The following MTPN variants were observed in gnomAD, a reference collection of about 807,000 sequenced individuals.
MTPN encodes granule cell differentiation protein.
In MTPN, 2 loss-of-function variants were observed where a neutral mutation model predicts 13.5. The observed-to-expected ratio is 0.15, with a 90% confidence interval of 0.06 to 0.47. The LOEUF (loss-of-function observed/expected upper bound fraction) is 0.47. MTPN is among the 20% of genes least tolerant of loss of function. MTPN has a pLI of 0.97. For missense variants in MTPN, 79 were observed against 137.9 expected, an observed-to-expected ratio of 0.57 and a Z score of 2.14; for synonymous variants, 46 against 51.7, an observed-to-expected ratio of 0.89 and a Z score of 0.48.
intron 3 of MTPN, among the ~76,000 whole-genome samples, chr7:135,948,678 A>C (rs1176270935): frequency 6.6e-6 from 1 of 152,220 alleles, no homozygotes; most frequent in Non-Finnish European, 1.5e-5. Context: ...TTTGGGAATA[A>C]GGAGTACAGA....
In MTPN at chr7:135,946,073, C is replaced by T. The variant is rs148339021; in HGVS notation, c.270+4526G>A. On this transcript the variant is annotated intron_variant, in intron 3 of 3. Transcript: ENST00000393085. ...ACAAAGTATCTTAGTAATGTACTCA[C>T]CATGACCATGGGTAACTGCAGAAAA... Among the ~76,000 whole-genome samples, 4 of 152,270 alleles carry T rather than the reference C, an allele frequency of 2.6e-5. No homozygotes were observed. In the East Asian group the frequency reaches 7.7e-4, roughly 29 times the overall value.
At chr7:135,959,074 C>T (rs1799485959) in intron 1 of MTPN, among the ~76,000 whole-genome samples, 1 of 152,082 alleles carries the variant, frequency 6.6e-6, no homozygotes, top group Non-Finnish European at 1.5e-5. Context: ...ACCATTGTTA[C>T]CACTCTGCTA....
intron 1 of MTPN, among the ~76,000 whole-genome samples, chr7:135,976,247 A>C (rs1799770825): frequency 6.6e-6 from 1 of 152,226 alleles, no homozygotes; most frequent in Admixed American, 6.5e-5. Flanking sequence ...GTCTTTCTTC[A>C]TCATGATTTT....
intron 1 of MTPN, among the ~76,000 whole-genome samples, chr7:135,955,607 G>A (rs562564917): frequency 1.3e-5 from 2 of 152,178 alleles, no homozygotes; most frequent in African/African-American, 4.8e-5. Context: ...TCCAAAACAA[G>A]ACAAAGATGT....
In MTPN at chr7:135,927,489, T is replaced by A; in HGVS notation, c.*2437A>T. The A allele has an allele frequency of 7.3e-7, 1 of 1,363,112 alleles. No individual in the cohort carries two copies. The highest frequency in any genetic ancestry group is 1.0e-6 in the Non-Finnish European group (1 of 990,680). The allele number at this position is 1,363,112 out of a possible 1,614,324, so 84.4% of individuals were successfully genotyped here. A position where few individuals can be genotyped will look rare whatever the true frequency, so the allele number is the denominator to read the frequency against. On this transcript the variant is annotated 3_prime_UTR_variant, in exon 4 of 4. Transcript: ENST00000393085. ...ACATGCAAAATTTTTTCTGAGATGTTAAGTATTACTTCAGTGGAGAACAAA... is the reference window on the plus strand; with the variant it reads ...ACATGCAAAATTTTTTCTGAGATGTAAAGTATTACTTCAGTGGAGAACAAA...
chr7:135,927,202 T>C lies in MTPN; in HGVS notation c.*2724A>G. ...GTACTTGGGAAAAGATATCAATGAA[T>C]AAAAGGCCTACTTGTTTGCAGCTTC... On this transcript the variant is annotated 3_prime_UTR_variant, in exon 4 of 4. Transcript: ENST00000393085. 1 of 1,107,368 alleles carries C rather than the reference T, an allele frequency of 9.0e-7. No individual in the cohort carries two copies. The highest frequency in any genetic ancestry group is 2.7e-5 in the East Asian group (1 of 36,914). The allele number at this position is 1,107,368 out of a possible 1,614,324, so 68.6% of individuals were successfully genotyped here.
Position 135,977,299 on chromosome 7 carries a change from G to A in MTPN, c.-199C>T, listed in dbSNP as rs1431049046. The stretch of plus-strand genomic sequence containing the variant: ...GGCGGGAGAAAGAAAGTTCTTTTGC[G>A]GCCACCGGGCCCAGCAGAGAGGTTC... On this transcript the variant is annotated 5_prime_UTR_variant, in exon 1 of 4. Transcript: ENST00000393085. 2 of 607,560 alleles carry A rather than the reference G, an allele frequency of 3.3e-6. No homozygotes were observed. Among genetic ancestry groups the A allele is most frequent in the Admixed American group, 2.8e-5 (1 of 36,048 alleles). 37.6% of individuals were successfully genotyped at this position (607,560 alleles called of 1,614,324 possible).
At chr7:135,932,778 A>C (rs988594699) in intron 3 of MTPN, 3 of 152,086 alleles carry the variant, frequency 2.0e-5, no homozygotes, top group African/African-American at 7.2e-5. Flanking sequence ...ATACCATCAA[A>C]AGGGATACAA....
chr7:135,957,571 G>C (rs1334039051), intron 1 of MTPN, among the ~76,000 whole-genome samples: 1 of 152,110 alleles, frequency 6.6e-6, no homozygotes, highest in Non-Finnish European at 1.5e-5. Context: ...CATGTCAGAG[G>C]AGAACCTAAT....
chr7:135,966,035 T>C (rs1799598960), intron 1 of MTPN, among the ~76,000 whole-genome samples: 1 of 152,048 alleles, frequency 6.6e-6, no homozygotes, highest in Non-Finnish European at 1.5e-5. Context: ...AAAATTAATA[T>C]AGGGTTCTTA....
intron 3 of MTPN, among the ~76,000 whole-genome samples, chr7:135,949,311 T>C (rs916087061): frequency 6.6e-6 from 1 of 152,172 alleles, no homozygotes; most frequent in African/African-American, 2.4e-5. Flanking sequence ...CAAAGGTACT[T>C]TGTAATCCTT....
intron 1 of MTPN, among the ~76,000 whole-genome samples, chr7:135,970,061 G>A (rs1799669596): frequency 6.6e-6 from 1 of 152,122 alleles, no homozygotes; most frequent in South Asian, 2.1e-4. Flanking sequence ...ATGTACAAAG[G>A]TGATCACGAC....
chr7:135,971,263 C>CATG lies in MTPN; in HGVS notation c.72+5763_72+5765dup, dbSNP rs549546356. Among the ~76,000 whole-genome samples the CATG allele has an allele frequency of 2.6e-5, 4 of 152,062 alleles. No individual in the cohort carries two copies. The South Asian group carries it at 8.3e-4, about 32-fold the overall frequency. ...TTTCACAGCAAGTGAAATAGAAGTA[C>CATG]ATGTAAACAAGAGAGTACATGTATC... On this transcript the variant is annotated intron_variant, in intron 1 of 3. Transcript: ENST00000393085.
At chr7:135,952,392 G>A (rs1401878709) in intron 1 of MTPN, among the ~76,000 whole-genome samples, 1 of 152,084 alleles carries the variant, frequency 6.6e-6, no homozygotes, top group Non-Finnish European at 1.5e-5. Flanking sequence ...GACTAAAAAT[G>A]ATGACTACCT....
chr7:135,957,832 T>C (rs1799466520), intron 1 of MTPN, among the ~76,000 whole-genome samples: 1 of 152,130 alleles, frequency 6.6e-6, no homozygotes, highest in South Asian at 2.1e-4. Flanking sequence ...CCTCCCTTGC[T>C]TCCTCTCTCA....
intron 3 of MTPN, among the ~76,000 whole-genome samples, chr7:135,934,954 T>G (rs920108939): frequency 1.1e-4 from 17 of 152,204 alleles, no homozygotes; most frequent in African/African-American, 3.6e-4. Flanking sequence ...GTCCTCATTC[T>G]GAGGACTGGC....
intron 1 of MTPN, among the ~76,000 whole-genome samples, chr7:135,970,791 A>G (rs1242799959): frequency 2.0e-5 from 3 of 152,170 alleles, no homozygotes; most frequent in Non-Finnish European, 4.4e-5. Flanking sequence ...AGCATTAATA[A>G]TTAGAAAAGA....
intron 1 of MTPN, among the ~76,000 whole-genome samples, chr7:135,961,914 A>C (rs1445631522): frequency 3.3e-5 from 5 of 152,116 alleles, no homozygotes. Flanking sequence ...TTTACATGAA[A>C]AAATGTAAAA....
intron 1 of MTPN, among the ~76,000 whole-genome samples, chr7:135,970,783 CATT>C (rs1253534207): frequency 2.0e-5 from 3 of 151,942 alleles, no homozygotes; most frequent in Admixed American, 2.0e-4. Flanking sequence ...TGACTAAAAG[CATT>C]AATAATTAGA....
Sources: allele counts gnomAD v4.1 joint callset (sites outside exome capture counted in the v4.1 genomes callset), GRCh38; gene constraint gnomAD v4.1.1; transcripts MANE v1.5; gene names NCBI Gene and HGNC (gene_info 2026-07-23, HGNC 2026-07-21).